Variants in SMAD4 observed in about 807,000 individuals in gnomAD.
The protein encoded by SMAD4 is SMAD family member 4.
Under a neutral mutation model 63.2 loss-of-function variants are expected in SMAD4, and 7 were observed. The ratio of observed to expected loss-of-function variants is 0.11; its 90% CI spans 0.06 to 0.21. The LOEUF is 0.21. SMAD4 is among the 10% of genes least tolerant of loss of function. The probability of loss-of-function intolerance (pLI) is 1.00; values close to 1 mark genes in which losing one functional copy is unlikely to be tolerated. For synonymous variants in SMAD4, 215 were observed against 235.4 expected, an observed-to-expected ratio of 0.91 and a Z score of 0.79; for missense variants, 312 against 693.8, an observed-to-expected ratio of 0.45 and a Z score of 6.18.
rs1488575965 is a variant in SMAD4 at position 51,083,282 on chromosome 18, T to A, written c.*4815T>A. 2 of 226,720 alleles carry A rather than the reference T, an allele frequency of 8.8e-6. No homozygotes were observed. Among genetic ancestry groups the A allele is most frequent in the African/African-American group, 2.2e-5 (1 of 44,984 alleles). 14.0% of individuals were successfully genotyped at this position (226,720 alleles called of 1,614,324 possible). On this transcript the variant is annotated 3_prime_UTR_variant, in exon 12 of 12. Coordinates refer to ENST00000342988, the MANE Select transcript of SMAD4 (RefSeq NM_005359.6). Reference sequence around the variant, plus strand: ...ATTTGTTTTGTTTTGGTGTCCCCTTTGAAGCCCTGCCTTCTGGCCTTACTC... The same window carrying A: ...ATTTGTTTTGTTTTGGTGTCCCCTTAGAAGCCCTGCCTTCTGGCCTTACTC...
At position 51,069,291 on chromosome 18, in the gene SMAD4, A is replaced by G. The variant is rs367652840; in HGVS notation, c.1308+2104A>G. ...GCCACCACGCCTGGCTAATTTTTGT[A>G]TTTAGTAGAGACGGGGTTTCACCGT... On this transcript the variant is annotated intron_variant, in intron 10 of 11. Transcript: ENST00000342988. Among the ~76,000 whole-genome samples, 20 of 151,726 alleles carry G rather than the reference A, an allele frequency of 1.3e-4. No individual in the cohort carries two copies. In the East Asian group the frequency reaches 1.4e-3, roughly 10 times the overall value.
intron 1 of SMAD4, among the ~76,000 whole-genome samples, chr18:51,045,316 A>G (rs1209684951): frequency 6.6e-6 from 1 of 152,212 alleles, no homozygotes. Flanking sequence ...AGGATACTTT[A>G]AGGATTCAAG....
At chr18:51,032,239 G>A (rs555950457) in intron 1 of SMAD4, among the ~76,000 whole-genome samples, 1 of 152,100 alleles carries the variant, frequency 6.6e-6, no homozygotes, top group African/African-American at 2.4e-5. Flanking sequence ...TGCTTTCCAG[G>A]TTTTTGGGCG....
intron 8 of SMAD4, among the ~76,000 whole-genome samples, chr18:51,064,926 A>G (rs1284350791): frequency 1.3e-5 from 2 of 152,208 alleles, no homozygotes; most frequent in African/African-American, 4.8e-5. Flanking sequence ...ATCTATAAAA[A>G]TATGTCATGA....
At position 51,048,761 on chromosome 18, in the gene SMAD4, C is replaced by T. The variant is rs1248541873; in HGVS notation, c.325C>T (p.Leu109=). The stretch of plus-strand genomic sequence containing the variant: ...GTGGCCTGATCTTCACAAAAATGAA[C>T]TAAAACATGTTAAATATTGTCAGTA... The part of the protein sequence containing the change: ...WRWPDLHKNE[L]KHVKYCQYAF... Residue 109 remains leucine, a synonymous_variant, in exon 3 of 12, where the codon CTA becomes TTA. Coordinates refer to ENST00000342988, the MANE Select transcript of SMAD4 (RefSeq NM_005359.6). 1 of 1,612,686 alleles carries T rather than the reference C, an allele frequency of 6.2e-7. No homozygotes were observed. The highest frequency in any genetic ancestry group is 8.5e-7 in the Non-Finnish European group (1 of 1,179,438).
intron 8 of SMAD4, among the ~76,000 whole-genome samples, chr18:51,062,153 T>A (rs192873202): frequency 1.3e-5 from 2 of 152,338 alleles, no homozygotes; most frequent in East Asian, 3.9e-4. Context: ...TTTAACGATA[T>A]ATATTTATTA....
intron 8 of SMAD4, among the ~76,000 whole-genome samples, chr18:51,062,160 A>G (rs1910030403): frequency 6.6e-6 from 1 of 152,140 alleles, no homozygotes; most frequent in African/African-American, 2.4e-5. Context: ...ATATATATTT[A>G]TTATCTTCTG....
chr18:51,048,807 A>G lies in SMAD4; in HGVS notation c.371A>G (p.Asp124Gly). 1 of 1,614,040 alleles carries G rather than the reference A, an allele frequency of 6.2e-7. No individual in the cohort carries two copies. Among genetic ancestry groups the G allele is most frequent in the Non-Finnish European group, 8.5e-7 (1 of 1,179,886 alleles). ...YCQYAFDLKC[D>G]SVCVNPYHYE... ...CAGTATGCGTTTGACTTAAAATGTG[A>G]TAGTGTCTGTGTGAATCCATATCAC... Residue 124 changes from aspartate to glycine, a missense_variant, in exon 3 of 12, where the codon GAT becomes GGT. Physicochemically the swap from Asp to Gly is moderately conservative, Grantham distance 94. Around this residue, in one of 4 missense-constraint regions of SMAD4, gnomAD observed 14 missense variants for 89.6 expected, o/e 0.16. Transcript: ENST00000342988.
chr18:51,032,731 C>T (rs1909088097), intron 1 of SMAD4, among the ~76,000 whole-genome samples: 1 of 152,006 alleles, frequency 6.6e-6, no homozygotes, highest in South Asian at 2.1e-4. Flanking sequence ...AGACACTATT[C>T]TAATTGAGGT....
intron 10 of SMAD4, among the ~76,000 whole-genome samples, chr18:51,076,149 A>AAAT (rs1312210229): frequency 1.3e-5 from 2 of 152,216 alleles, no homozygotes; most frequent in Non-Finnish European, 2.9e-5. Context: ...CTATTTGCTT[A>AAAT]AAGTACGCAT....
rs1224074483 is a variant in SMAD4, at chr18:51,079,969, T to G, written c.*1502T>G. ...TGTGTATCATGTGTAGAGTTGGTTT[T>G]TTTTTTTTTTAATTTTTATTTTACT... On this transcript the variant is annotated 3_prime_UTR_variant, in exon 12 of 12. Transcript: ENST00000342988. 2 of 231,896 alleles carry G rather than the reference T, an allele frequency of 8.6e-6. No homozygotes were observed. The highest frequency in any genetic ancestry group is 2.2e-5 in the African/African-American group (1 of 45,268). The allele number at this position is 231,896 out of a possible 1,614,324, so 14.4% of individuals were successfully genotyped here. A position where few individuals can be genotyped will look rare whatever the true frequency, so the allele number is the denominator to read the frequency against.
chr18:51,081,740 C>T lies in SMAD4; in HGVS notation c.*3273C>T, dbSNP rs966704116. 1 of 232,518 alleles carries T rather than the reference C, an allele frequency of 4.3e-6. No homozygotes were observed. Among genetic ancestry groups the T allele is most frequent in the African/African-American group, 2.2e-5 (1 of 45,266 alleles). 14.4% of individuals were successfully genotyped at this position (232,518 alleles called of 1,614,324 possible). A position where few individuals can be genotyped will look rare whatever the true frequency, so the allele number is the denominator to read the frequency against. On this transcript the variant is annotated 3_prime_UTR_variant, in exon 12 of 12. Transcript: ENST00000342988. The stretch of plus-strand genomic sequence containing the variant: ...AAGGCAAAATAAAATGTCCTGTCTC[C>T]CAGATGATATACATCTTATTATTTT...
rs1568201615 is a variant in SMAD4 at position 51,042,301 on chromosome 18, T to TCCCTCCCTCCC, written c.-127-4619_-127-4618insCCCTCCCTCCC. On this transcript the variant is annotated intron_variant, in intron 1 of 11. Coordinates refer to ENST00000342988, the MANE Select transcript of SMAD4 (RefSeq NM_005359.6). ...CTTGCCTGCCTGCCTCCCTCCCTCC[T>TCCCTCCCTCCC]TCCCTCCCTCCCTCCCTCCCTCCCT... Among the ~76,000 whole-genome samples the TCCCTCCCTCCC allele has an allele frequency of 8.2e-4, 50 of 60,738 alleles. 2 individuals carry two copies. The highest frequency in any genetic ancestry group is 2.4e-3 in the African/African-American group (47 of 19,812). The allele number at this position is 60,738 out of a possible 152,430, so 39.8% of individuals were successfully genotyped here.
rs778959035 is a variant in SMAD4, at chr18:51,065,416, C to A, written c.956-7C>A. On this transcript the variant is annotated splice_polypyrimidine_tract_variant and splice_region_variant and intron_variant, in intron 8 of 11. Transcript: ENST00000342988. ...GGAGGATGTTCTTTCCCATTTATTT[C>A]CTATAGCTCCTGAGTATTGGTGTTC... 1.2e-6 allele frequency: 2 copies of A among 1,610,898 alleles called. No individual in the cohort carries two copies. Among genetic ancestry groups the A allele is most frequent in the Non-Finnish European group, 1.7e-6 (2 of 1,177,250 alleles).
chr18:51,051,201 A>G (rs1304189992), intron 4 of SMAD4: 1 of 327,476 alleles, frequency 3.1e-6, no homozygotes, highest in Non-Finnish European at 6.0e-6. Flanking sequence ...CTCATCACAC[A>G]CCTCCCCTAT....
intron 1 of SMAD4, among the ~76,000 whole-genome samples, chr18:51,037,339 C>G (rs776198127): frequency 1.9e-4 from 29 of 152,272 alleles, no homozygotes; most frequent in Non-Finnish European, 3.5e-4. Flanking sequence ...TTCACAAAAT[C>G]AAAATTATTT....
At chr18:51,055,553 A>G (rs2144421168) in intron 5 of SMAD4, among the ~76,000 whole-genome samples, 1 of 152,200 alleles carries the variant, frequency 6.6e-6, no homozygotes, top group African/African-American at 2.4e-5. Context: ...TGTTTCAGAA[A>G]GATCCTTCTT....
rs373599907 is a variant in SMAD4, at chr18:51,044,489, C to T, written c.-127-2431C>T. ...TCACCAAGGCCTTGACCTCCCAAGG[C>T]TCAGGTGATCTTCCAGTCTCAGCTC... On this transcript the variant is annotated intron_variant, in intron 1 of 11. Coordinates refer to ENST00000342988, the MANE Select transcript of SMAD4 (RefSeq NM_005359.6). 9.2e-5 allele frequency among the ~76,000 whole-genome samples: 14 copies of T among 152,306 alleles called. No individual in the cohort carries two copies. In the East Asian group the frequency reaches 1.9e-3, roughly 21 times the overall value.
intron 1 of SMAD4, among the ~76,000 whole-genome samples, chr18:51,044,558 A>G (rs1281259397): frequency 1.3e-5 from 2 of 151,822 alleles, no homozygotes; most frequent in Non-Finnish European, 2.9e-5. Flanking sequence ...ACACCCAGTT[A>G]ATTTTTTTAT....
Sources: gnomAD v4.1 joint callset for allele counts (sites outside exome capture counted in the v4.1 genomes callset) on GRCh38, gnomAD v4.1.1 for gene constraint, gnomAD v4.1.1 regional missense constraint, MANE v1.5 for transcripts, NCBI Gene and HGNC (gene_info 2026-07-23, HGNC 2026-07-21) for gene names.